IL1RAPL2: variants seen among roughly 807,000 people sequenced by gnomAD.
IL1RAPL2 encodes the protein X-linked interleukin-1 receptor accessory protein-like 2.
IL1RAPL2 carries 3 observed loss-of-function variants against 44.1 expected under a neutral mutation model. The ratio of observed to expected loss-of-function variants is 0.07; its 90% CI spans 0.03 to 0.18. IL1RAPL2 has a LOEUF of 0.18. IL1RAPL2 is among the 10% of genes least tolerant of loss of function. The pLI is 1.00. For missense variants in IL1RAPL2, 391 were observed against 496.4 expected (o/e 0.79, Z 2.02); for synonymous variants, 181 against 178.8 (o/e 1.01, Z -0.10).
chrX:104,800,964 G>T (rs745464720), intron 2 of IL1RAPL2, among the ~76,000 whole-genome samples: 5 of 112,647 alleles, frequency 4.4e-5, no homozygotes, highest in Non-Finnish European at 9.4e-5. Flanking sequence ...GATGTCCAGG[G>T]AATCTACCAA....
intron 2 of IL1RAPL2, among the ~76,000 whole-genome samples, chrX:104,924,779 C>A (rs1444109766): frequency 9.0e-6 from 1 of 111,122 alleles, no homozygotes; most frequent in Non-Finnish European, 1.9e-5. Context: ...TAATGTCACA[C>A]TTCAAGGAAC....
chrX:104,819,551 T>C (rs1480510882), intron 2 of IL1RAPL2, among the ~76,000 whole-genome samples: 1 of 111,874 alleles, frequency 8.9e-6, no homozygotes. Flanking sequence ...ATAAGGTACT[T>C]TTATTTTAGC....
chrX:105,753,193 T>C (rs2038610419), intron 9 of IL1RAPL2, among the ~76,000 whole-genome samples: 2 of 111,295 alleles, frequency 1.8e-5, no homozygotes, highest in Non-Finnish European at 3.8e-5. Context: ...ATAACCATAG[T>C]ACAAGCAATA....
intron 5 of IL1RAPL2, among the ~76,000 whole-genome samples, chrX:105,452,131 A>G (rs1482239213): frequency 9.0e-6 from 1 of 111,308 alleles, no homozygotes. Context: ...ATTACCATTG[A>G]AAAAGTTTTG....
At chrX:104,742,680 C>T (rs1228171387) in intron 2 of IL1RAPL2, among the ~76,000 whole-genome samples, 3 of 111,441 alleles carry the variant, frequency 2.7e-5, no homozygotes, top group Non-Finnish European at 5.7e-5. Flanking sequence ...ATTCCAAAGG[C>T]ATGGATTCAG....
At chrX:105,424,603 G>A (rs1358272511) in intron 5 of IL1RAPL2, among the ~76,000 whole-genome samples, 1 of 109,106 alleles carries the variant, frequency 9.2e-6, no homozygotes, top group Non-Finnish European at 1.9e-5. Flanking sequence ...TGGGGGTACT[G>A]TGGAGAAGCT....
In IL1RAPL2 at chrX:105,640,697, CACATAT is replaced by C. The variant is rs2037560553; in HGVS notation, c.773-76662_773-76657del. ...ATATATATATATATATATATACACA[CACATAT>C]ACATATATATACACACACATATCTA... On this transcript the variant is annotated intron_variant, in intron 6 of 10. Transcript: ENST00000372582. Among the ~76,000 whole-genome samples, 3 of 90,587 alleles carry C rather than the reference CACATAT, an allele frequency of 3.3e-5. No individual in the cohort carries two copies. In the East Asian group the frequency reaches 1.0e-3, roughly 31 times the overall value. 78.7% of individuals were successfully genotyped at this position (90,587 alleles called of 115,157 possible).
At chrX:105,136,550 T>C (rs1282526588) in intron 2 of IL1RAPL2, among the ~76,000 whole-genome samples, 2 of 112,767 alleles carry the variant, frequency 1.8e-5, no homozygotes, top group Non-Finnish European at 3.8e-5. Flanking sequence ...TAGTGTTTGT[T>C]GATATGCACA....
intron 2 of IL1RAPL2, among the ~76,000 whole-genome samples, chrX:104,912,731 C>A (rs1316427631): frequency 9.0e-6 from 1 of 111,495 alleles, no homozygotes; most frequent in African/African-American, 3.3e-5. Flanking sequence ...CCAACTGGTT[C>A]AGATTAAAGC....
At chrX:104,881,390 G>A (rs1286434923) in intron 2 of IL1RAPL2, among the ~76,000 whole-genome samples, 1 of 111,867 alleles carries the variant, frequency 8.9e-6, no homozygotes, top group Admixed American at 9.5e-5. Flanking sequence ...ACATTAGGAA[G>A]TAATGATTTA....
intron 9 of IL1RAPL2, among the ~76,000 whole-genome samples, chrX:105,752,099 C>A (rs987659059): frequency 4.5e-5 from 5 of 111,812 alleles, no homozygotes; most frequent in Admixed American, 2.9e-4. Flanking sequence ...ATTTATTTAA[C>A]CTTTCAGTTT....
At chrX:104,660,114 G>T (rs1930361355) in intron 2 of IL1RAPL2, among the ~76,000 whole-genome samples, 1 of 111,226 alleles carries the variant, frequency 9.0e-6, no homozygotes, top group South Asian at 3.8e-4. Context: ...TATAGATTCA[G>T]GTCTATATTT....
At chrX:105,717,747 T>TAAA (rs2038269347) in intron 7 of IL1RAPL2, among the ~76,000 whole-genome samples, 1 of 111,920 alleles carries the variant, frequency 8.9e-6, no homozygotes, top group Non-Finnish European at 1.9e-5. Context: ...TTTCTAAAGC[T>TAAA]AAAACCACTG....
chrX:104,730,547 T>C (rs1931890586), intron 2 of IL1RAPL2, among the ~76,000 whole-genome samples: 1 of 106,221 alleles, frequency 9.4e-6, no homozygotes, highest in Non-Finnish European at 2.0e-5. Context: ...ACAAAGGACA[T>C]GAACTCATCA....
intron 5 of IL1RAPL2, among the ~76,000 whole-genome samples, chrX:105,268,287 T>G (rs887760025): frequency 9.0e-5 from 10 of 111,565 alleles, no homozygotes; most frequent in African/African-American, 1.3e-4. Flanking sequence ...ATCTGTCATG[T>G]GTATTTTAAT....
chrX:104,901,810 C>T (rs1385244091), intron 2 of IL1RAPL2, among the ~76,000 whole-genome samples: 2 of 111,656 alleles, frequency 1.8e-5, no homozygotes, highest in Non-Finnish European at 3.8e-5. Flanking sequence ...AGTGACAGTT[C>T]TTATGCTACA....
intron 2 of IL1RAPL2, among the ~76,000 whole-genome samples, chrX:104,680,774 C>T (rs1930878188): frequency 1.8e-5 from 2 of 111,885 alleles, no homozygotes; most frequent in South Asian, 7.4e-4. Flanking sequence ...AGTCTACTTC[C>T]TCTTTAAATT....
At chrX:104,720,627 G>A (rs1042106061) in intron 2 of IL1RAPL2, among the ~76,000 whole-genome samples, 1 of 111,641 alleles carries the variant, frequency 9.0e-6, no homozygotes, top group Non-Finnish European at 1.9e-5. Flanking sequence ...ATCAAATGAT[G>A]AAGGGCAATG....
intron 2 of IL1RAPL2, among the ~76,000 whole-genome samples, chrX:104,962,693 C>T (rs2030032081): frequency 8.9e-6 from 1 of 112,257 alleles, no homozygotes; most frequent in African/African-American, 3.2e-5. Flanking sequence ...GAAGACACAT[C>T]AACACCTCAG....
Sources: allele counts gnomAD v4.1 joint callset (sites outside exome capture counted in the v4.1 genomes callset), GRCh38; gene constraint gnomAD v4.1.1; transcripts MANE v1.5; gene names NCBI Gene and HGNC (gene_info 2026-07-23, HGNC 2026-07-21).